The following ADAMTSL1 variants were observed in gnomAD, a reference collection of about 807,000 sequenced individuals.
ADAMTSL1 encodes the protein ADAMTS-like protein 1.
ADAMTSL1 carries 126 observed loss-of-function variants against 201.8 expected under a neutral mutation model. The observed-to-expected ratio is 0.62, with a 90% CI of 0.54 to 0.72. The LOEUF (loss-of-function observed/expected upper bound fraction) is 0.72, where lower values mean the gene tolerates loss of function less well. Among genes scored for constraint, ADAMTSL1 ranks in the 30% least tolerant of loss-of-function variants. The probability of loss-of-function intolerance (pLI) is 0.00; values close to 1 mark genes in which losing one functional copy is unlikely to be tolerated. For missense variants in ADAMTSL1, 2,679 were observed against 2,277.8 expected (o/e 1.18, Z -3.59); for synonymous variants, 1,121 against 903.4 (o/e 1.24, Z -4.32).
intron 4 of ADAMTSL1, among the ~76,000 whole-genome samples, chr9:18,598,508 C>T (rs35599040): frequency 0.072 from 10,945 of 151,684 alleles, 422 homozygotes; most frequent in Non-Finnish European, 0.089. Flanking sequence ...TTTGTTTGTC[C>T]CTTTCACCAT....
chr9:18,890,191 C>T (rs1190891899), intron 25 of ADAMTSL1, among the ~76,000 whole-genome samples: 1 of 152,244 alleles, frequency 6.6e-6, no homozygotes, highest in African/African-American at 2.4e-5. Flanking sequence ...CTAATCAGTA[C>T]TCCAGTTCAG....
chr9:18,839,928 G>C (rs1316827648), intron 23 of ADAMTSL1, among the ~76,000 whole-genome samples: 3 of 148,590 alleles, frequency 2.0e-5, no homozygotes, highest in Non-Finnish European at 3.0e-5. Flanking sequence ...GTAGATTCTG[G>C]ATATTAGCCC....
chr9:18,588,378 G>A (rs988731224), intron 4 of ADAMTSL1, among the ~76,000 whole-genome samples: 1 of 151,978 alleles, frequency 6.6e-6, no homozygotes, highest in Non-Finnish European at 1.5e-5. Context: ...CTTGCCAGAT[G>A]GATAGTTTGC....
intron 2 of ADAMTSL1, among the ~76,000 whole-genome samples, chr9:18,211,961 G>A (rs577589619): frequency 2.0e-5 from 3 of 152,272 alleles, no homozygotes; most frequent in East Asian, 1.9e-4. Context: ...TGCAGGAAGT[G>A]CATTTTGATT....
At chr9:18,331,770 G>A (rs1354274672) in intron 2 of ADAMTSL1, among the ~76,000 whole-genome samples, 1 of 152,168 alleles carries the variant, frequency 6.6e-6, no homozygotes, top group Non-Finnish European at 1.5e-5. Context: ...AGTTTTAGTA[G>A]CTATGCATCA....
rs12352788 is a variant in ADAMTSL1, at chr9:18,638,519, C to T, written c.677-735C>T. On this transcript the variant is annotated intron_variant, in intron 6 of 28. Transcript: ENST00000380548. ...CTGAATCACACAACATAATTACCAT[C>T]ATCCCCAGCATGCTCTGATTTTCTA... 2.0e-5 allele frequency among the ~76,000 whole-genome samples: 3 copies of T among 152,116 alleles called. No individual in the cohort carries two copies. The East Asian group carries it at 5.8e-4, about 29-fold the overall frequency.
At chr9:18,771,343 T>C (rs1820676396) in intron 17 of ADAMTSL1, among the ~76,000 whole-genome samples, 1 of 152,236 alleles carries the variant, frequency 6.6e-6, no homozygotes. Context: ...TCCTGCACTT[T>C]GGGAAGTGAT....
intron 2 of ADAMTSL1, among the ~76,000 whole-genome samples, chr9:18,317,653 C>A (rs187909897): frequency 6.6e-6 from 1 of 152,164 alleles, no homozygotes. Flanking sequence ...GCCTTTAGTC[C>A]CCATCTTCAC....
At chr9:18,907,277 G>C (rs1830370361) in intron 28 of ADAMTSL1, 1 of 267,000 alleles carries the variant, frequency 3.7e-6, no homozygotes. Context: ...AGAAAATGCT[G>C]TTAACTCTAA....
intron 2 of ADAMTSL1, among the ~76,000 whole-genome samples, chr9:18,308,196 G>A (rs371645113): frequency 1.3e-5 from 2 of 152,128 alleles, no homozygotes; most frequent in African/African-American, 4.8e-5. Flanking sequence ...CTAAAGCAGT[G>A]TTTAGAGGGA....
chr9:18,721,133 G>A (rs567219121), intron 14 of ADAMTSL1, among the ~76,000 whole-genome samples: 12 of 152,282 alleles, frequency 7.9e-5, no homozygotes, highest in South Asian at 2.1e-4. Context: ...CAAATACAAC[G>A]ATTTCCTTTC....
intron 19 of ADAMTSL1, among the ~76,000 whole-genome samples, chr9:18,789,827 A>T (rs1821919724): frequency 6.6e-6 from 1 of 152,148 alleles, no homozygotes; most frequent in Non-Finnish European, 1.5e-5. Flanking sequence ...TAGAGTGACA[A>T]GTTTGTATTG....
rs767658743 is a variant in ADAMTSL1, at chr9:18,817,276, GC to G, written c.3934+42del. The G allele has an allele frequency of 1.9e-6, 3 of 1,542,568 alleles. No homozygotes were observed. The South Asian group carries it at 3.6e-5, about 19-fold the overall frequency. On this transcript the variant is annotated intron_variant, in intron 21 of 28. Transcript: ENST00000380548. The stretch of plus-strand genomic sequence containing the variant: ...GTTCATTTGTTCACACGTTAATGGA[GC>G]CCTGTGCTAGGTTGGGGATACAAAG...
intron 1 of ADAMTSL1, among the ~76,000 whole-genome samples, chr9:18,033,260 T>G (rs1161892813): frequency 6.6e-6 from 1 of 152,126 alleles, no homozygotes; most frequent in African/African-American, 2.4e-5. Flanking sequence ...ATGTTCTTAT[T>G]CCAAAGAAAT....
intron 2 of ADAMTSL1, among the ~76,000 whole-genome samples, chr9:18,187,801 T>G: frequency 6.6e-6 from 1 of 152,154 alleles, no homozygotes; most frequent in East Asian, 1.9e-4. Context: ...TACAGTTCAC[T>G]TGGACTTCAT....
intron 2 of ADAMTSL1, among the ~76,000 whole-genome samples, chr9:18,375,173 G>C (rs1837231656): frequency 6.6e-6 from 1 of 152,192 alleles, no homozygotes; most frequent in Non-Finnish European, 1.5e-5. Context: ...CTCTTCCTCA[G>C]TTCCGCATTA....
chr9:18,203,671 C>T (rs1347951079), intron 2 of ADAMTSL1, among the ~76,000 whole-genome samples: 1 of 151,898 alleles, frequency 6.6e-6, no homozygotes, highest in Non-Finnish European at 1.5e-5. Flanking sequence ...TATAATAAGA[C>T]AGAAAATGTG....
In ADAMTSL1 at chr9:18,016,208, T is replaced by C. The variant is rs887615813; in HGVS notation, c.87+109286T>C. On this transcript the variant is annotated intron_variant, in intron 1 of 29. Coordinates refer to the ADAMTSL1 transcript ENST00000680146. ...CTTTCTAGTGAAAACAGAAACACAA[T>C]TAGTTGTCATTGAATTTAGGACTCA... 2.6e-5 allele frequency among the ~76,000 whole-genome samples: 4 copies of C among 152,052 alleles called. No homozygotes were observed. The South Asian group carries it at 8.3e-4, about 32-fold the overall frequency.
intron 14 of ADAMTSL1, among the ~76,000 whole-genome samples, chr9:18,721,306 C>G (rs1381040758): frequency 1.3e-5 from 2 of 152,130 alleles, no homozygotes; most frequent in Non-Finnish European, 2.9e-5. Context: ...GGGGAGTTGC[C>G]CTCCTCAAGG....
Sources: allele counts gnomAD v4.1 joint callset (sites outside exome capture counted in the v4.1 genomes callset), GRCh38; gene constraint gnomAD v4.1.1; transcripts MANE v1.5; gene names NCBI Gene and HGNC (gene_info 2026-07-23, HGNC 2026-07-21).